The following CDC14B variants were observed in gnomAD, a reference collection of about 807,000 sequenced individuals.
CDC14B encodes the protein dual specificity protein phosphatase CDC14B.
Under a neutral mutation model 64.2 loss-of-function variants are expected in CDC14B, and 22 were observed. That is an observed-to-expected ratio of 0.34 (90% CI 0.24 to 0.49). CDC14B has a LOEUF of 0.49. Ranked by LOEUF, CDC14B falls within the 20% of genes least tolerant of loss-of-function variation. The probability of loss-of-function intolerance (pLI) is 0.99; values close to 1 mark genes in which losing one functional copy is unlikely to be tolerated. For missense variants in CDC14B, 498 were observed against 629.9 expected (o/e 0.79, Z 2.24); for synonymous variants, 191 against 215.8 (o/e 0.89, Z 1.01).
Position 96,613,125 on chromosome 9 carries a change from T to C in CDC14B, c.160+6094A>G, listed in dbSNP as rs184692795. On this transcript the variant is annotated intron_variant, in intron 1 of 13. Transcript: ENST00000375241. The stretch of plus-strand genomic sequence containing the variant: ...GCTTTGCCAAAAAGAAACTACATCA[T>C]TGTGGCCCAATTTTATCTCTGGCCC... Among the ~76,000 whole-genome samples the C allele has an allele frequency of 9.8e-4, 149 of 152,332 alleles. 1 individual carries two copies. The highest frequency in any genetic ancestry group is 6.2e-4 in the Non-Finnish European group (42 of 68,038).
intron 1 of CDC14B, among the ~76,000 whole-genome samples, chr9:96,599,190 G>A (rs1846270106): frequency 6.6e-6 from 1 of 152,034 alleles, no homozygotes; most frequent in Non-Finnish European, 1.5e-5. Flanking sequence ...GACCAACTTG[G>A]CCAACATGGC....
At chr9:96,553,112 A>T (rs1842040756) in intron 4 of CDC14B, among the ~76,000 whole-genome samples, 1 of 152,164 alleles carries the variant, frequency 6.6e-6, no homozygotes, top group African/African-American at 2.4e-5. Context: ...TACTTACAAT[A>T]GTTAGGAAAA....
At position 96,564,688 on chromosome 9, in the gene CDC14B, T is replaced by C. The variant is rs549826783; in HGVS notation, c.327+89A>G. ...CACCACTGCAGTGAAAAACATGTCA[T>C]TTCCTTTTTAAAAAGAGATGTTTTC... On this transcript the variant is annotated intron_variant, in intron 3 of 13. Coordinates refer to ENST00000375241, the MANE Select transcript of CDC14B (RefSeq NM_033331.4). The C allele has an allele frequency of 6.7e-6, 5 of 748,992 alleles. No homozygotes were observed. The East Asian group carries it at 1.4e-4, about 21-fold the overall frequency. 46.4% of individuals were successfully genotyped at this position (748,992 alleles called of 1,614,324 possible).
intron 1 of CDC14B, among the ~76,000 whole-genome samples, chr9:96,568,269 G>C (rs1008615995): frequency 1.3e-5 from 2 of 152,026 alleles, no homozygotes; most frequent in African/African-American, 2.4e-5. Flanking sequence ...CTCCAACTGG[G>C]GAAGACCTTG....
chr9:96,539,892 A>AC (rs1040516351), intron 6 of CDC14B, among the ~76,000 whole-genome samples: 2 of 152,188 alleles, frequency 1.3e-5, no homozygotes, highest in Non-Finnish European at 2.9e-5. Context: ...CCTGAGCCAA[A>AC]CAGGAGGGAA....
chr9:96,537,976 T>C (rs1380894654), intron 7 of CDC14B, among the ~76,000 whole-genome samples: 1 of 152,132 alleles, frequency 6.6e-6, no homozygotes, highest in Non-Finnish European at 1.5e-5. Flanking sequence ...CCTCTAGGCC[T>C]CCCAAAGTGC....
At chr9:96,541,191 T>G (rs551324663) in intron 6 of CDC14B, among the ~76,000 whole-genome samples, 10 of 152,352 alleles carry the variant, frequency 6.6e-5, no homozygotes, top group Non-Finnish European at 1.3e-4. Context: ...TGCTGCACTG[T>G]GTGACCCCAG....
At chr9:96,538,353 CT>C (rs1340365339) in intron 7 of CDC14B, among the ~76,000 whole-genome samples, 4 of 152,122 alleles carry the variant, frequency 2.6e-5, no homozygotes, top group Non-Finnish European at 5.9e-5. Context: ...GAAGACTTGA[CT>C]TTTTTTCACT....
chr9:96,539,030 G>A, intron 7 of CDC14B, 48 bp downstream of exon 7: 1 of 1,200,262 alleles, frequency 8.3e-7, no homozygotes, highest in Admixed American at 1.8e-5. Flanking sequence ...CCTCAATAAA[G>A]CTGGGCGGGG....
chr9:96,554,280 A>C (rs531055085), intron 4 of CDC14B, among the ~76,000 whole-genome samples: 1 of 152,320 alleles, frequency 6.6e-6, no homozygotes, highest in Admixed American at 6.5e-5. Context: ...TGTGTACTAA[A>C]ATGAAATCTA....
intron 1 of CDC14B, among the ~76,000 whole-genome samples, chr9:96,600,560 T>G (rs1846367772): frequency 6.6e-6 from 1 of 151,644 alleles, no homozygotes; most frequent in African/African-American, 2.4e-5. Flanking sequence ...TGGAGTGCAA[T>G]GGTGCGATCT....
At chr9:96,570,813 G>T (rs1226495718) in intron 1 of CDC14B, among the ~76,000 whole-genome samples, 1 of 152,318 alleles carries the variant, frequency 6.6e-6, no homozygotes, top group East Asian at 1.9e-4. Flanking sequence ...AGGAGGTGGA[G>T]TGACTAACCT....
chr9:96,564,951 T>C (rs1325121944), intron 2 of CDC14B, 99 bp from the exon 3 acceptor site: 9 of 718,152 alleles, frequency 1.3e-5, no homozygotes, highest in South Asian at 1.8e-5. Flanking sequence ...TAAGCAAGCA[T>C]ATACCAAATT....
At chr9:96,555,958 A>G (rs1842452008) in intron 4 of CDC14B, among the ~76,000 whole-genome samples, 1 of 152,184 alleles carries the variant, frequency 6.6e-6, no homozygotes, top group Non-Finnish European at 1.5e-5. Context: ...CAGTGATGGA[A>G]GAACAAGCAA....
intron 7 of CDC14B, among the ~76,000 whole-genome samples, chr9:96,537,813 C>G (rs1417821541): frequency 2.0e-5 from 3 of 152,100 alleles, no homozygotes; most frequent in African/African-American, 7.2e-5. Context: ...ACCTCTGCCT[C>G]CCGGGTTCAA....
downstream of CDC14B, chr9:96,496,153 G>C (rs1327951069): frequency 2.7e-6 from 1 of 377,190 alleles, no homozygotes; most frequent in African/African-American, 2.1e-5. Context: ...CCCACCTAAA[G>C]GAAGGCCCTG....
chr9:96,584,352 T>C (rs571020278), intron 1 of CDC14B, among the ~76,000 whole-genome samples: 2 of 152,272 alleles, frequency 1.3e-5, no homozygotes, highest in East Asian at 1.9e-4. Flanking sequence ...GATGACCAGA[T>C]TGGCTCAGGT....
At chr9:96,534,838 A>G (rs1839048864) in intron 7 of CDC14B, among the ~76,000 whole-genome samples, 1 of 152,166 alleles carries the variant, frequency 6.6e-6, no homozygotes, top group South Asian at 2.1e-4. Context: ...TTTTATCTGA[A>G]TCAATTCTCA....
chr9:96,527,010 C>A (rs1006131821), intron 9 of CDC14B, among the ~76,000 whole-genome samples: 2 of 152,206 alleles, frequency 1.3e-5, no homozygotes, highest in Admixed American at 6.5e-5. Context: ...GTAAAATATA[C>A]ATAAAATTTA....
Sources: allele counts gnomAD v4.1 joint callset (sites outside exome capture counted in the v4.1 genomes callset), GRCh38; gene constraint gnomAD v4.1.1; transcripts MANE v1.5; gene names NCBI Gene and HGNC (gene_info 2026-07-23, HGNC 2026-07-21).